Variants in FAM20A observed in about 807,000 individuals in gnomAD.
The protein encoded by FAM20A is FAM20A golgi associated secretory pathway pseudokinase.
FAM20A carries 42 observed loss-of-function variants against 52.0 expected under a neutral mutation model. The ratio of observed to expected loss-of-function variants is 0.81; its 90% CI spans 0.63 to 1.04. The LOEUF is 1.04. Ranked by LOEUF, FAM20A falls within the 50% of genes least tolerant of loss-of-function variation. The pLI, the probability that FAM20A is intolerant of heterozygous loss-of-function variation, is 0.00. For synonymous variants in FAM20A, 304 were observed against 298.9 expected (o/e 1.02, Z -0.18); for missense variants, 742 against 712.7 (o/e 1.04, Z -0.47).
chr17:68,570,703 T>C (rs2087513338), intron 1 of FAM20A, among the ~76,000 whole-genome samples: 1 of 152,208 alleles, frequency 6.6e-6, no homozygotes, highest in African/African-American at 2.4e-5. Context: ...TCTGCTGAAA[T>C]AACTAGTCTC....
chr17:68,600,544 C>G lies in FAM20A; in HGVS notation c.123G>C (p.Pro41=), dbSNP rs1037514203. Reference sequence around the variant, plus strand: ...CGCGGCCGGTGCACGGGCACCCCCGCGGGCGCTCCCGAGGCCGCAGCTGGC... The same window carrying G: ...CGCGGCCGGTGCACGGGCACCCCCGGGGGCGCTCCCGAGGCCGCAGCTGGC... ...VQRQLRPRER[P]RGCPCTGRAS... The change falls in exon 1 of 11, where the codon CCG becomes CCC. Residue 41 remains proline (P), a synonymous_variant. Transcript: ENST00000592554. This position sits in a 1 kb window ranked among gnomAD's most constrained non-coding sequence, Gnocchi z 6.2. The G allele has an allele frequency of 1.2e-5, 19 of 1,558,534 alleles. No individual in the cohort carries two copies. Among genetic ancestry groups the G allele is most frequent in the Non-Finnish European group, 1.6e-5 (19 of 1,152,154 alleles).
intron 4 of FAM20A, 97 bp from the exon 5 acceptor site, chr17:68,543,818 CTT>C: frequency 9.5e-7 from 1 of 1,049,664 alleles, no homozygotes; most frequent in Non-Finnish European, 1.5e-6. Flanking sequence ...GGAAAACGGG[CTT>C]TTATGCTTTT....
Position 68,536,446 on chromosome 17 carries a change from G to A in FAM20A, c.*1031C>T, listed in dbSNP as rs2086098383. 4.4e-6 allele frequency: 2 copies of A among 454,024 alleles called. No homozygotes were observed. The highest frequency in any genetic ancestry group is 2.0e-5 in the African/African-American group (1 of 50,022). 28.1% of individuals were successfully genotyped at this position (454,024 alleles called of 1,614,324 possible). A position where few individuals can be genotyped will look rare whatever the true frequency, so the allele number is the denominator to read the frequency against. ...ATATCAACAAGTCAGGGAGAAGGTA[G>A]AGGAGACAAGGAATCCCTACTACAC... On this transcript the variant is annotated 3_prime_UTR_variant, in exon 11 of 11. Transcript: ENST00000592554.
At chr17:68,582,295 G>T (rs924797340) in intron 1 of FAM20A, 3 of 152,278 alleles carry the variant, frequency 2.0e-5, no homozygotes, top group African/African-American at 7.2e-5. Context: ...GATTGATTGC[G>T]TTCTGTGTTT....
chr17:68,537,312 G>T lies in FAM20A; in HGVS notation c.*165C>A. 1 of 885,910 alleles carries T rather than the reference G, an allele frequency of 1.1e-6. No homozygotes were observed. The allele number at this position is 885,910 out of a possible 1,614,324, so 54.9% of individuals were successfully genotyped here. On this transcript the variant is annotated 3_prime_UTR_variant, in exon 11 of 11. Coordinates refer to ENST00000592554, the MANE Select transcript of FAM20A (RefSeq NM_017565.4). The surrounding 1 kb of genome is among the most constrained non-coding windows in gnomAD (Gnocchi z 4.2). ...CAGAAGCGGTGCACCAAGGAGTAAA[G>T]ATTCAGTTCCATGGGCCCCACTTGC...
At chr17:68,561,591 CTTTTTTTT>C (rs5821662) in intron 1 of FAM20A, among the ~76,000 whole-genome samples, 1 of 128,948 alleles carries the variant, frequency 7.8e-6, no homozygotes, top group South Asian at 2.5e-4. Flanking sequence ...TTTGATTGCT[CTTTTTTTT>C]TTTTTTTTTT....
intron 1 of FAM20A, among the ~76,000 whole-genome samples, chr17:68,586,671 T>A (rs894791165): frequency 2.0e-5 from 3 of 152,238 alleles, no homozygotes; most frequent in Admixed American, 2.0e-4. Flanking sequence ...CTCTCAAGCC[T>A]CTGGATGGCG....
rs79238834 is a variant in FAM20A at position 68,592,588 on chromosome 17, C to G, written c.404+7675G>C. Among the ~76,000 whole-genome samples the G allele has an allele frequency of 2.2e-3, 330 of 152,368 alleles. 4 individuals are homozygous for G. The highest frequency in any genetic ancestry group is 7.6e-3 in the African/African-American group (315 of 41,584). On this transcript the variant is annotated intron_variant, in intron 1 of 10. Transcript: ENST00000592554. ...CTGCGCTTCACTTGCCAGGGCTGAA[C>G]AGCGCTGTTTTTCTTCAGTGGACAT...
chr17:68,564,765 A>G (rs1055271049), intron 1 of FAM20A, among the ~76,000 whole-genome samples: 1 of 152,150 alleles, frequency 6.6e-6, no homozygotes, highest in African/African-American at 2.4e-5. Flanking sequence ...CCTAAACGGG[A>G]GCCTGGAGTC....
At chr17:68,571,989 T>TAC (rs1320410658) in intron 1 of FAM20A, among the ~76,000 whole-genome samples, 503 of 6,912 alleles carry the variant, frequency 0.073, 16 homozygotes, top group African/African-American at 0.29. Flanking sequence ...TATACATACA[T>TAC]ATATATATAT....
intron 1 of FAM20A, among the ~76,000 whole-genome samples, chr17:68,560,461 G>A (rs949522857): frequency 6.6e-6 from 1 of 152,096 alleles, no homozygotes; most frequent in African/African-American, 2.4e-5. Flanking sequence ...TGAATCTGCT[G>A]GTGGCTTAAT....
At chr17:68,585,859 A>G (rs2088152872) in intron 1 of FAM20A, among the ~76,000 whole-genome samples, 1 of 152,188 alleles carries the variant, frequency 6.6e-6, no homozygotes, top group Non-Finnish European at 1.5e-5. Flanking sequence ...TAATTCCCCT[A>G]TGGATGTGAT....
intron 1 of FAM20A, among the ~76,000 whole-genome samples, chr17:68,560,313 C>T (rs570687855): frequency 6.8e-6 from 1 of 148,042 alleles, no homozygotes; most frequent in African/African-American, 2.5e-5. Context: ...CCACTGCACT[C>T]TGGCCTGGCG....
intron 1 of FAM20A, among the ~76,000 whole-genome samples, chr17:68,587,574 G>A (rs1256379669): frequency 1.3e-5 from 2 of 152,098 alleles, no homozygotes; most frequent in Non-Finnish European, 2.9e-5. Context: ...GTTTCCTGCC[G>A]AATGTTTTCA....
chr17:68,591,272 T>C (rs1248684272), intron 1 of FAM20A, among the ~76,000 whole-genome samples: 1 of 152,168 alleles, frequency 6.6e-6, no homozygotes, highest in Non-Finnish European at 1.5e-5. Flanking sequence ...TTAATTTTTT[T>C]GTATTTTTAG....
At chr17:68,591,743 G>A (rs1403428568) in intron 1 of FAM20A, 1 of 51,780 alleles carries the variant, frequency 1.9e-5, no homozygotes, top group African/African-American at 7.3e-5. Flanking sequence ...CTGGGAGGAT[G>A]GGGGTGGAGC....
intron 7 of FAM20A, chr17:68,541,685 T>C (rs978579444): frequency 4.4e-5 from 13 of 296,268 alleles, no homozygotes; most frequent in Non-Finnish European, 7.0e-5. Flanking sequence ...TTTCGTGATC[T>C]GGCTACATGT....
At chr17:68,586,179 A>G (rs1349167556) in intron 1 of FAM20A, among the ~76,000 whole-genome samples, 1 of 152,094 alleles carries the variant, frequency 6.6e-6, no homozygotes, top group Non-Finnish European at 1.5e-5. Context: ...TTTCTCAACC[A>G]TTTTATATTG....
chr17:68,543,758 C>CCT, intron 4 of FAM20A, 37 bp from the exon 5 acceptor site: 1 of 1,570,256 alleles, frequency 6.4e-7, no homozygotes, highest in Non-Finnish European at 8.8e-7. Context: ...TGGACTCAGA[C>CCT]TTCAGCTGGG....
Sources: gnomAD v4.1 joint callset for allele counts (sites outside exome capture counted in the v4.1 genomes callset) on GRCh38, gnomAD v4.1.1 for gene constraint, Gnocchi (gnomAD v3.1) non-coding constraint, MANE v1.5 for transcripts, NCBI Gene and HGNC (gene_info 2026-07-23, HGNC 2026-07-21) for gene names.